ANXA10: variants seen among roughly 807,000 people sequenced by gnomAD.
ANXA10 encodes annexin A10.
ANXA10 carries 49 observed loss-of-function variants against 53.5 expected under a neutral mutation model. The ratio of observed to expected loss-of-function variants is 0.92; its 90% confidence interval spans 0.73 to 1.16. ANXA10 has a LOEUF of 1.16. ANXA10 is among the 50% of genes most tolerant of loss of function. ANXA10 has a pLI of 0.00. For missense variants in ANXA10, 393 were observed against 394.4 expected (o/e 1.00, Z 0.03); for synonymous variants, 131 against 128.9 (o/e 1.02, Z -0.11).
intron 1 of ANXA10, among the ~76,000 whole-genome samples, chr4:168,120,378 A>T (rs1190053785): frequency 1.3e-5 from 2 of 152,150 alleles, no homozygotes; most frequent in Non-Finnish European, 2.9e-5. Context: ...CAAGTAAAAC[A>T]TCACTCATAA....
Position 168,184,638 on chromosome 4 carries a change from G to GATACAAA in ANXA10, c.864_870dup (p.Glu291IlefsTer12). On this transcript the variant is annotated frameshift_variant, in exon 11 of 12. Coordinates refer to ENST00000359299, the MANE Select transcript of ANXA10 (RefSeq NM_007193.5). LOFTEE classifies it high-confidence loss of function. ...ATAGACCTGCTGACCATAAGGAAAC[G>GATACAAA]ATACAAAGAGCGATATGGAAAATCC... 2 of 1,614,034 alleles carry GATACAAA rather than the reference G, an allele frequency of 1.2e-6. No homozygotes were observed. Among genetic ancestry groups the GATACAAA allele is most frequent in the Non-Finnish European group, 1.7e-6 (2 of 1,179,974 alleles).
In ANXA10 at chr4:168,096,926, A is replaced by ATGTATGTATATATATATATATATATATG. The variant is rs1553995913; in HGVS notation, c.18+4209_18+4210insGTATGTATATATATATATATATATATGT. 5.5e-3 allele frequency among the ~76,000 whole-genome samples: 710 copies of ATGTATGTATATATATATATATATATATG among 129,910 alleles called. 25 individuals carry two copies. Among genetic ancestry groups the ATGTATGTATATATATATATATATATATG allele is most frequent in the African/African-American group, 0.02 (667 of 33,486 alleles). 85.2% of individuals were successfully genotyped at this position (129,910 alleles called of 152,430 possible). A position where few individuals can be genotyped will look rare whatever the true frequency, so the allele number is the denominator to read the frequency against. On this transcript the variant is annotated intron_variant, in intron 1 of 11. Coordinates refer to ENST00000359299, the MANE Select transcript of ANXA10 (RefSeq NM_007193.5). ...AATACAAATGCATATATATATATAT[A>ATGTATGTATATATATATATATATATATG]TATGTATGTATATGTATATACAATA...
At chr4:168,182,318 ATTTTTT>A (rs542260478) in intron 10 of ANXA10, among the ~76,000 whole-genome samples, 93 of 49,746 alleles carry the variant, frequency 1.9e-3, no homozygotes, top group African/African-American at 8.6e-3. Flanking sequence ...TGGAGCATTA[ATTTTTT>A]TTTTTTTTTT....
intron 3 of ANXA10, among the ~76,000 whole-genome samples, chr4:168,146,130 A>AC (rs1731402939): frequency 6.6e-6 from 1 of 152,098 alleles, no homozygotes; most frequent in Non-Finnish European, 1.5e-5. Flanking sequence ...GCTGGTCGTG[A>AC]ACTCCTGACC....
chr4:168,128,252 TG>T, intron 2 of ANXA10, 87 bp downstream of exon 2: 1 of 915,770 alleles, frequency 1.1e-6, no homozygotes, highest in Non-Finnish European at 1.6e-6. Flanking sequence ...ATAAAATAGT[TG>T]ATGTCTTACA....
At chr4:168,162,373 C>T (rs1731800543) in intron 3 of ANXA10, among the ~76,000 whole-genome samples, 155 bp from the exon 4 acceptor site, 1 of 152,128 alleles carries the variant, frequency 6.6e-6, no homozygotes, top group African/African-American at 2.4e-5. Context: ...TTCATCATCT[C>T]ATGTAATGCA....
chr4:168,133,346 C>T (rs1045593095), intron 2 of ANXA10, among the ~76,000 whole-genome samples: 23 of 151,974 alleles, frequency 1.5e-4, no homozygotes, highest in African/African-American at 5.5e-4. Context: ...GATCTCTGCA[C>T]GATGCTGTTT....
At chr4:168,174,246 C>T (rs552107124) in intron 6 of ANXA10, among the ~76,000 whole-genome samples, 12 of 152,274 alleles carry the variant, frequency 7.9e-5, no homozygotes, top group African/African-American at 2.9e-4. Flanking sequence ...CTCCACATGC[C>T]CCCTTTAGTC....
chr4:168,095,698 G>A (rs1186064012), intron 1 of ANXA10, among the ~76,000 whole-genome samples: 1 of 152,078 alleles, frequency 6.6e-6, no homozygotes, highest in Non-Finnish European at 1.5e-5. Flanking sequence ...TTCTAGGACA[G>A]TATTATCATC....
At chr4:168,144,388 T>C (rs745476596) in intron 3 of ANXA10, among the ~76,000 whole-genome samples, 22 of 152,182 alleles carry the variant, frequency 1.4e-4, no homozygotes, top group Admixed American at 4.6e-4. Flanking sequence ...GGATTTGCCA[T>C]GTTGGCCAGG....
At chr4:168,101,198 C>A (rs1730633239) in intron 1 of ANXA10, among the ~76,000 whole-genome samples, 1 of 152,004 alleles carries the variant, frequency 6.6e-6, no homozygotes, top group Non-Finnish European at 1.5e-5. Context: ...TTGGCTCTCT[C>A]ATTTTCCTTC....
chr4:168,099,624 T>C (rs1730609314), intron 1 of ANXA10, among the ~76,000 whole-genome samples: 1 of 152,054 alleles, frequency 6.6e-6, no homozygotes, highest in African/African-American at 2.4e-5. Flanking sequence ...CTCTTCGAGA[T>C]CTCACTCCCT....
Position 168,177,760 on chromosome 4 carries a change from TA to T in ANXA10, c.502del (p.Thr168GlnfsTer30). 1 of 1,614,156 alleles carries T rather than the reference TA, an allele frequency of 6.2e-7. No homozygotes were observed. Among genetic ancestry groups the T allele is most frequent in the Non-Finnish European group, 8.5e-7 (1 of 1,180,020 alleles). ...TACAGGGGACCAGAGAGGAAGGATATACAGACCCTGCGATGGCTGCTCAGGA... is the reference window on the plus strand; with the variant it reads ...TACAGGGGACCAGAGAGGAAGGATATCAGACCCTGCGATGGCTGCTCAGGA... Reference protein sequence around the residue: ...LVQGTREEGYTDPAMAAQDAM... With the variant: ...LVQGTREEGYXDPAMAAQDAM... On this transcript the variant is annotated frameshift_variant, in exon 7 of 12. Transcript: ENST00000359299. LOFTEE classifies it high-confidence loss of function.
intron 1 of ANXA10, among the ~76,000 whole-genome samples, chr4:168,125,221 G>A (rs767145935): frequency 6.6e-6 from 1 of 152,248 alleles, no homozygotes; most frequent in Non-Finnish European, 1.5e-5. Flanking sequence ...CCAAAGTTAA[G>A]TCAATGCCAT....
intron 2 of ANXA10, among the ~76,000 whole-genome samples, chr4:168,135,873 G>T (rs2149471354): frequency 6.6e-6 from 1 of 152,136 alleles, no homozygotes; most frequent in South Asian, 2.1e-4. Flanking sequence ...CTACTATAAA[G>T]AACTACCTGA....
chr4:168,151,502 A>G (rs545066669), intron 3 of ANXA10, among the ~76,000 whole-genome samples: 5 of 152,342 alleles, frequency 3.3e-5, no homozygotes. Flanking sequence ...GCAAGTACTC[A>G]TTAGCTTAAT....
chr4:168,163,378 T>A (rs928576824), intron 4 of ANXA10, among the ~76,000 whole-genome samples: 2 of 152,114 alleles, frequency 1.3e-5, no homozygotes, highest in Admixed American at 1.3e-4. Flanking sequence ...CTGTGAACAA[T>A]GTGTGACAGA....
intron 10 of ANXA10, among the ~76,000 whole-genome samples, chr4:168,183,376 T>A (rs943639349): frequency 6.6e-6 from 1 of 152,230 alleles, no homozygotes; most frequent in African/African-American, 2.4e-5. Flanking sequence ...TGGTTAAACA[T>A]TTATTTGAAA....
chr4:168,095,386 C>T (rs1053080077), intron 1 of ANXA10, among the ~76,000 whole-genome samples: 1 of 151,834 alleles, frequency 6.6e-6, no homozygotes, highest in African/African-American at 2.4e-5. Flanking sequence ...CTTTTGACAC[C>T]TTTTCCTACT....
Sources: gnomAD v4.1 joint callset for allele counts (sites outside exome capture counted in the v4.1 genomes callset) on GRCh38, gnomAD v4.1.1 for gene constraint, MANE v1.5 for transcripts, NCBI Gene and HGNC (gene_info 2026-07-23, HGNC 2026-07-21) for gene names.